The following SUCLG2 variants were observed in gnomAD, a reference collection of about 807,000 sequenced individuals.
The protein encoded by SUCLG2 is succinate-CoA ligase GDP-forming subunit beta.
In SUCLG2, 42 loss-of-function variants were observed where a neutral mutation model predicts 47.9. That is an observed-to-expected ratio of 0.88 (90% CI 0.69 to 1.14). The LOEUF (loss-of-function observed/expected upper bound fraction) is 1.14, where lower values mean the gene tolerates loss of function less well. SUCLG2 is among the 50% of genes most tolerant of loss of function. The probability of loss-of-function intolerance (pLI) is 0.00; values close to 1 mark genes in which losing one functional copy is unlikely to be tolerated. For missense variants in SUCLG2, 571 were observed against 525.9 expected, an observed-to-expected ratio of 1.09 and a Z score of -0.84; for synonymous variants, 195 against 197.3, an observed-to-expected ratio of 0.99 and a Z score of 0.10.
chr3:67,577,461 A>T (rs1404055337), intron 2 of SUCLG2, among the ~76,000 whole-genome samples: 1 of 152,232 alleles, frequency 6.6e-6, no homozygotes, highest in Non-Finnish European at 1.5e-5. Flanking sequence ...AAAAAAAACG[A>T]ATTGCACTAA....
At chr3:67,621,903 C>T (rs1358865284) in intron 1 of SUCLG2, among the ~76,000 whole-genome samples, 2 of 152,212 alleles carry the variant, frequency 1.3e-5, no homozygotes, top group African/African-American at 4.8e-5. Flanking sequence ...CTATGTATTA[C>T]ATTTAATTAT....
intron 1 of SUCLG2, among the ~76,000 whole-genome samples, chr3:67,647,170 C>A (rs150644572): frequency 1.3e-5 from 2 of 152,170 alleles, no homozygotes; most frequent in African/African-American, 2.4e-5. Flanking sequence ...CTAGTCCCCC[C>A]ACTCCAACCC....
chr3:67,653,931 G>A (rs957817139), intron 1 of SUCLG2, among the ~76,000 whole-genome samples: 1 of 152,190 alleles, frequency 6.6e-6, no homozygotes, highest in East Asian at 1.9e-4. Flanking sequence ...TTTTTCATTG[G>A]AAAGAGGAGA....
intron 2 of SUCLG2, among the ~76,000 whole-genome samples, chr3:67,581,175 A>T (rs1259221838): frequency 1.3e-5 from 2 of 152,214 alleles, no homozygotes; most frequent in Non-Finnish European, 2.9e-5. Context: ...TGCGCATGTC[A>T]CCAACGCTGG....
chr3:67,522,337 G>C (rs901707892), intron 4 of SUCLG2, among the ~76,000 whole-genome samples: 3 of 152,132 alleles, frequency 2.0e-5, no homozygotes, highest in East Asian at 3.9e-4. Flanking sequence ...GAGTCATGGT[G>C]CCTGGCCTGC....
At chr3:67,437,592 A>G (rs1271655725) in intron 9 of SUCLG2, among the ~76,000 whole-genome samples, 2 of 152,120 alleles carry the variant, frequency 1.3e-5, no homozygotes, top group African/African-American at 2.4e-5. Context: ...ATCAGTCTTT[A>G]ACTTTTTTGG....
chr3:67,590,365 T>G (rs972456500), intron 2 of SUCLG2, among the ~76,000 whole-genome samples: 2 of 152,174 alleles, frequency 1.3e-5, no homozygotes, highest in Admixed American at 1.3e-4. Context: ...TGATATGGTT[T>G]TGGTGTCTGT....
chr3:67,455,944 C>T (rs1188322328), intron 9 of SUCLG2, among the ~76,000 whole-genome samples: 1 of 152,116 alleles, frequency 6.6e-6, no homozygotes, highest in Non-Finnish European at 1.5e-5. Flanking sequence ...GTATTATTAC[C>T]ACTGTTATTA....
intron 9 of SUCLG2, among the ~76,000 whole-genome samples, chr3:67,434,318 G>C (rs575246795): frequency 1.1e-4 from 16 of 152,180 alleles, no homozygotes; most frequent in Non-Finnish European, 2.1e-4. Flanking sequence ...TTGAGCTCAG[G>C]AGCTTGAGAC....
intron 2 of SUCLG2, among the ~76,000 whole-genome samples, chr3:67,559,210 G>A (rs1253530075): frequency 6.6e-6 from 1 of 152,176 alleles, no homozygotes; most frequent in African/African-American, 2.4e-5. Context: ...AGAAGGTAGA[G>A]TAAGAGGTCA....
chr3:67,611,215 G>A (rs9832061), intron 1 of SUCLG2, among the ~76,000 whole-genome samples: 74,132 of 152,086 alleles, frequency 0.49, 18,994 homozygotes, highest in African/African-American at 0.64. Flanking sequence ...TCTCTGTTCC[G>A]TCCTTGTAGC....
chr3:67,371,063 C>T (rs1285193762), downstream of SUCLG2, among the ~76,000 whole-genome samples: 2 of 152,086 alleles, frequency 1.3e-5, no homozygotes, highest in Non-Finnish European at 2.9e-5. Context: ...TAGTTTCTCC[C>T]ATTGTCTGAT....
intron 2 of SUCLG2, among the ~76,000 whole-genome samples, chr3:67,574,511 C>A (rs1001256782): frequency 6.6e-6 from 1 of 152,156 alleles, no homozygotes; most frequent in Non-Finnish European, 1.5e-5. Flanking sequence ...GAGACAATAG[C>A]ACAATTTTAA....
intron 9 of SUCLG2, among the ~76,000 whole-genome samples, chr3:67,410,278 A>G (rs1702905602): frequency 6.6e-6 from 1 of 152,230 alleles, no homozygotes; most frequent in Non-Finnish European, 1.5e-5. Flanking sequence ...AAGAACAGCA[A>G]CTACAAAGGC....
chr3:67,446,659 C>G (rs1703935188), intron 9 of SUCLG2, among the ~76,000 whole-genome samples: 1 of 151,044 alleles, frequency 6.6e-6, no homozygotes, highest in South Asian at 2.1e-4. Flanking sequence ...GTCTTGAACT[C>G]CTGACGTTGT....
intron 10 of SUCLG2, among the ~76,000 whole-genome samples, chr3:67,377,522 G>GC (rs1702060871): frequency 1.3e-5 from 2 of 152,198 alleles, no homozygotes; most frequent in African/African-American, 4.8e-5. Context: ...CTGAGTTCAG[G>GC]CCAAAGGAAT....
chr3:67,491,260 A>G (rs1705197035), intron 9 of SUCLG2, among the ~76,000 whole-genome samples: 1 of 150,958 alleles, frequency 6.6e-6, no homozygotes, highest in Non-Finnish European at 1.5e-5. Context: ...AGAAAAGAAA[A>G]GAAATTACCT....
intron 1 of SUCLG2, among the ~76,000 whole-genome samples, chr3:67,619,501 GA>G (rs1700694923): frequency 6.6e-6 from 1 of 152,172 alleles, no homozygotes; most frequent in Non-Finnish European, 1.5e-5. Flanking sequence ...TGGGGCAAAA[GA>G]AGCAGGAGGC....
exon 11 of SUCLG2, chr3:67,360,471 C>G (rs989133996): frequency 7.2e-6 from 5 of 698,410 alleles, no homozygotes; most frequent in Non-Finnish European, 8.8e-6. Flanking sequence ...GGACACAATT[C>G]TAAAATATTT....
Sources: gnomAD v4.1 joint callset for allele counts (sites outside exome capture counted in the v4.1 genomes callset) on GRCh38, gnomAD v4.1.1 for gene constraint, MANE v1.5 for transcripts, NCBI Gene and HGNC (gene_info 2026-07-23, HGNC 2026-07-21) for gene names.